Variants in ENKUR observed in about 807,000 individuals in gnomAD.
The protein encoded by ENKUR is enkurin.
A neutral mutation model predicts 27.6 loss-of-function variants in ENKUR; 19 were observed. The ratio of observed to expected loss-of-function variants is 0.69; its 90% confidence interval spans 0.48 to 1.01. ENKUR has a LOEUF of 1.01. ENKUR is among the 50% of genes least tolerant of loss of function. ENKUR has a pLI of 0.00. For missense variants in ENKUR, 312 were observed against 310.5 expected (o/e 1.00, Z -0.04); for synonymous variants, 117 against 96.9 (o/e 1.21, Z -1.22).
At position 24,995,780 on chromosome 10, in the gene ENKUR, A is replaced by G. The variant is rs1850037329; in HGVS notation, c.313T>C (p.Phe105Leu). ...PVMGIQSGKN[F>L]INTNAADIIM... ...ATATCAGCTGCATTTGTATTTATAA[A>G]ATTTTTTCCACTCTGTATTCCCATG... The change falls in exon 3 of 6, where the codon TTT becomes CTT. Residue 105 changes from phenylalanine to leucine, a missense_variant. Phe to Leu is a conservative substitution (Grantham distance 22). Coordinates refer to ENST00000331161, the MANE Select transcript of ENKUR (RefSeq NM_145010.4). 1 of 1,613,968 alleles carries G rather than the reference A, an allele frequency of 6.2e-7. No individual in the cohort carries two copies. The highest frequency in any genetic ancestry group is 8.5e-7 in the Non-Finnish European group (1 of 1,179,984).
At chr10:24,984,957 G>A in intron 4 of ENKUR, 52 bp from the exon 5 acceptor site, 2 of 1,377,600 alleles carry the variant, frequency 1.5e-6, no homozygotes, top group South Asian at 1.3e-5. Context: ...CAAAAGTAAA[G>A]GAAATGGGAA....
chr10:25,024,577 G>GGCTTTTTAATGA, intron 2 of ENKUR: 1 of 1,614,088 alleles, frequency 6.2e-7, no homozygotes, highest in Non-Finnish European at 8.5e-7. Flanking sequence ...TAATGATTCT[G>GGCTTTTTAATGA]ATTTTACTGG....
chr10:25,048,922 G>A (rs1851152189), intron 2 of ENKUR, among the ~76,000 whole-genome samples: 1 of 151,990 alleles, frequency 6.6e-6, no homozygotes, highest in Admixed American at 6.6e-5. Context: ...ATGGGGAAAA[G>A]GGAGGAAATG....
intron 1 of ENKUR, among the ~76,000 whole-genome samples, chr10:25,003,204 T>G (rs1412436430): frequency 6.6e-6 from 1 of 152,068 alleles, no homozygotes; most frequent in Admixed American, 6.6e-5. Flanking sequence ...ATTCATTTAT[T>G]TTTTGCCCGC....
chr10:25,032,453 A>G (rs1850947538), intron 2 of ENKUR, among the ~76,000 whole-genome samples: 2 of 152,140 alleles, frequency 1.3e-5, no homozygotes. Flanking sequence ...TCTCCGTAGA[A>G]TAAGCGCTTA....
rs550138140 is a variant in ENKUR, at chr10:24,990,536, C to T, written c.521G>A (p.Arg174His). 47 of 1,614,046 alleles carry T rather than the reference C, an allele frequency of 2.9e-5. No homozygotes were observed. Among genetic ancestry groups the T allele is most frequent in the African/African-American group, 5.3e-5 (4 of 75,044 alleles). Residue 174 changes from arginine to histidine, a missense_variant, in exon 4 of 6, where the codon CGT (arginine) becomes CAT (histidine). By Grantham distance (29) the Arg-to-His change is conservative. Coordinates refer to ENST00000331161, the MANE Select transcript of ENKUR (RefSeq NM_145010.4). ...TTTCTTAAGGTTTTCCTGGATATAACGATCATAGTCTTCTTGGGCTTTCTT... is the reference window on the plus strand; with the variant it reads ...TTTCTTAAGGTTTTCCTGGATATAATGATCATAGTCTTCTTGGGCTTTCTT... ...EIKKAQEDYD[R>H]YIQENLKKAA...
At chr10:25,021,247 T>C (rs1243586393) in intron 2 of ENKUR, among the ~76,000 whole-genome samples, 1 of 152,232 alleles carries the variant, frequency 6.6e-6, no homozygotes, top group Non-Finnish European at 1.5e-5. Flanking sequence ...GCTTTGATTT[T>C]ATTATAGACA....
chr10:25,030,634 G>A (rs539975275), intron 2 of ENKUR, among the ~76,000 whole-genome samples: 1 of 152,082 alleles, frequency 6.6e-6, no homozygotes, highest in East Asian at 1.9e-4. Flanking sequence ...TGTTTGTTTT[G>A]CTGCTGGAGC....
chr10:25,039,997 G>A (rs1270765372), intron 2 of ENKUR, among the ~76,000 whole-genome samples: 6 of 120,328 alleles, frequency 5.0e-5, no homozygotes, highest in Non-Finnish European at 1.0e-4. Flanking sequence ...CTGGCTGCTG[G>A]CCGTGGTACG....
At chr10:24,984,515 A>G (rs1262074284) in intron 5 of ENKUR, 139 bp from the exon 6 acceptor site, 2 of 1,214,062 alleles carry the variant, frequency 1.6e-6, no homozygotes, top group Non-Finnish European at 2.2e-6. Context: ...TCTCAAATTT[A>G]ATAGTTTATA....
intron 1 of ENKUR, among the ~76,000 whole-genome samples, chr10:25,002,302 C>G (rs1481971294): frequency 6.6e-6 from 1 of 152,184 alleles, no homozygotes; most frequent in African/African-American, 2.4e-5. Context: ...TTAGGGAACT[C>G]CTTGTTCATA....
At chr10:25,000,479 G>A (rs1292976778) in intron 1 of ENKUR, among the ~76,000 whole-genome samples, 1 of 152,048 alleles carries the variant, frequency 6.6e-6, no homozygotes, top group African/African-American at 2.4e-5. Flanking sequence ...TTTGCTTTAT[G>A]TATTTTGAAA....
intron 1 of ENKUR, 41 bp from the exon 2 acceptor site, chr10:24,999,587 G>T: frequency 6.6e-7 from 1 of 1,508,014 alleles, no homozygotes; most frequent in Non-Finnish European, 9.0e-7. Flanking sequence ...TATACTTCTA[G>T]TAAAAATTAC....
Position 24,984,523 on chromosome 10 carries a change from A to G in ENKUR, c.765-147T>C. 5 of 1,191,532 alleles carry G rather than the reference A, an allele frequency of 4.2e-6. No individual in the cohort carries two copies. In the Admixed American group the frequency reaches 1.5e-4, roughly 35 times the overall value. The allele number at this position is 1,191,532 out of a possible 1,614,324, so 73.8% of individuals were successfully genotyped here. A position where few individuals can be genotyped will look rare whatever the true frequency, so the allele number is the denominator to read the frequency against. On this transcript the variant is annotated intron_variant, in intron 5 of 5. Transcript: ENST00000331161. The stretch of plus-strand genomic sequence containing the variant: ...CACATATTCTCAAATTTAATAGTTT[A>G]TATGTGGAAAACGTGACACTAGTAA...
intron 2 of ENKUR, chr10:25,025,130 G>A: frequency 6.2e-7 from 1 of 1,614,012 alleles, no homozygotes; most frequent in Non-Finnish European, 8.5e-7. Flanking sequence ...AATACTTCAG[G>A]GTATATTTTG....
chr10:25,007,595 C>A (rs1194560296), intron 1 of ENKUR, among the ~76,000 whole-genome samples: 1 of 152,090 alleles, frequency 6.6e-6, no homozygotes, highest in South Asian at 2.1e-4. Flanking sequence ...CCACCACACC[C>A]GGGTAATTTT....
chr10:25,047,723 T>C (rs1427592169), intron 2 of ENKUR, among the ~76,000 whole-genome samples: 1 of 152,174 alleles, frequency 6.6e-6, no homozygotes, highest in African/African-American at 2.4e-5. Flanking sequence ...TTCCAACAAT[T>C]TTAAAGGCGA....
chr10:25,023,948 G>A, intron 2 of ENKUR: 1 of 1,614,170 alleles, frequency 6.2e-7, no homozygotes, highest in Non-Finnish European at 8.5e-7. Flanking sequence ...CCTGAAGACT[G>A]TGAACAGAAG....
chr10:25,014,475 T>C lies in ENKUR; in HGVS notation c.77+1385A>G, dbSNP rs550400752. On this transcript the variant is annotated intron_variant, in intron 1 of 5. Coordinates refer to ENST00000331161, the MANE Select transcript of ENKUR (RefSeq NM_145010.4). ...TATTATACACATAATAGGGGCTCCA[T>C]TAATGCTTGCCAAATGAATAAAGAC... 6.6e-4 allele frequency among the ~76,000 whole-genome samples: 101 copies of C among 152,264 alleles called. 1 individual carries two copies. The South Asian group carries it at 0.02, about 31-fold the overall frequency.
Sources: gnomAD v4.1 joint callset for allele counts (sites outside exome capture counted in the v4.1 genomes callset) on GRCh38, gnomAD v4.1.1 for gene constraint, MANE v1.5 for transcripts, NCBI Gene and HGNC (gene_info 2026-07-23, HGNC 2026-07-21) for gene names.